RERG: variants seen among roughly 807,000 people sequenced by gnomAD.
RERG encodes the protein ras-related and estrogen-regulated growth inhibitor.
RERG carries 25 observed loss-of-function variants against 23.2 expected under a neutral mutation model. The ratio of observed to expected loss-of-function variants is 1.08; its 90% CI spans 0.79 to 1.50. RERG has a LOEUF of 1.50. Among genes scored for constraint, RERG ranks in the 40% most tolerant of loss-of-function variants. RERG has a pLI of 0.00. For missense variants in RERG, 253 were observed against 250.1 expected (o/e 1.01, Z -0.08); for synonymous variants, 81 against 89.1 (o/e 0.91, Z 0.51).
At chr12:15,118,027 G>C (rs1450671944) in intron 3 of RERG, among the ~76,000 whole-genome samples, 1 of 150,958 alleles carries the variant, frequency 6.6e-6, no homozygotes. Flanking sequence ...AACTAAAATT[G>C]TTCAATGTAA....
intron 3 of RERG, among the ~76,000 whole-genome samples, chr12:15,111,850 AT>A (rs1401158846): frequency 2.0e-5 from 3 of 151,850 alleles, no homozygotes; most frequent in Non-Finnish European, 4.4e-5. Flanking sequence ...TAATTTTTGT[AT>A]TTTTAGTGGA....
At chr12:15,128,266 A>G (rs1189410262) in intron 2 of RERG, among the ~76,000 whole-genome samples, 1 of 152,238 alleles carries the variant, frequency 6.6e-6, no homozygotes, top group Non-Finnish European at 1.5e-5. Context: ...AGCAAGAAGA[A>G]AACTTTTAGA....
intron 2 of RERG, among the ~76,000 whole-genome samples, chr12:15,132,740 C>T (rs1330000755): frequency 6.6e-6 from 1 of 152,038 alleles, no homozygotes; most frequent in East Asian, 1.9e-4. Flanking sequence ...GGATTTTAGT[C>T]ATTCTAATAG....
At chr12:15,138,397 G>T (rs1399587619) in intron 2 of RERG, among the ~76,000 whole-genome samples, 1 of 151,840 alleles carries the variant, frequency 6.6e-6, no homozygotes, top group African/African-American at 2.4e-5. Flanking sequence ...TTGCTTTTCA[G>T]TTTTACCAGT....
chr12:15,216,885 A>T (rs1865446915), intron 2 of RERG, among the ~76,000 whole-genome samples: 2 of 152,222 alleles, frequency 1.3e-5, no homozygotes, highest in Non-Finnish European at 2.9e-5. Flanking sequence ...TTCACTGCAG[A>T]GGCATTCGCA....
At chr12:15,111,121 T>A (rs1404785650) in intron 4 of RERG, 2 of 407,976 alleles carry the variant, frequency 4.9e-6, no homozygotes, top group African/African-American at 4.1e-5. Flanking sequence ...ATGTGAATAT[T>A]ATAGTATTTT....
intron 4 of RERG, among the ~76,000 whole-genome samples, chr12:15,110,252 C>T (rs1863580145): frequency 6.6e-6 from 1 of 152,140 alleles, no homozygotes; most frequent in South Asian, 2.1e-4. Flanking sequence ...AGGCATGCAC[C>T]TCCCTGCTGC....
At position 15,117,456 on chromosome 12, in the gene RERG, G is replaced by A. The variant is rs144402129; in HGVS notation, c.118+3607C>T. Among the ~76,000 whole-genome samples, 109 of 152,122 alleles carry A rather than the reference G, an allele frequency of 7.2e-4. 2 individuals are homozygous for A. Among genetic ancestry groups the A allele is most frequent in the African/African-American group, 2.2e-3 (93 of 41,506 alleles). Reference sequence around the variant, plus strand: ...ATTTGTTCTGGGTGTATCTATTTTCGTATGAACGATTCCAAGCAGCAGGAG... The same window carrying A: ...ATTTGTTCTGGGTGTATCTATTTTCATATGAACGATTCCAAGCAGCAGGAG... On this transcript the variant is annotated intron_variant, in intron 3 of 4. Transcript: ENST00000256953.
chr12:15,109,377 C>A lies in RERG; in HGVS notation c.333G>T (p.Val111=), dbSNP rs1232363198. The change falls in exon 5 of 5, where the codon GTG becomes GTT. Residue 111 remains valine, a synonymous_variant. Coordinates refer to ENST00000256953, the MANE Select transcript of RERG (RefSeq NM_032918.3). Reference sequence around the variant, plus strand: ...CTTTGTTTCCAACCAAGATGAGAGTCACATTCTTGGGCTTTTTGATCTCAT... The same window carrying A: ...CTTTGTTTCCAACCAAGATGAGAGTAACATTCTTGGGCTTTTTGATCTCAT... ...ILDEIKKPKN[V]TLILVGNKAD... The A allele has an allele frequency of 9.3e-6, 15 of 1,613,960 alleles. No individual in the cohort carries two copies. The highest frequency in any genetic ancestry group is 1.2e-5 in the Non-Finnish European group (14 of 1,180,032).
At chr12:15,217,046 T>A (rs980421082) in intron 2 of RERG, 6 of 167,704 alleles carry the variant, frequency 3.6e-5, no homozygotes, top group African/African-American at 1.4e-4. Context: ...GACACTGGAC[T>A]GTTTGCTGAG....
At chr12:15,161,188 A>AAG (rs1206732305) in intron 2 of RERG, among the ~76,000 whole-genome samples, 1 of 149,216 alleles carries the variant, frequency 6.7e-6, no homozygotes, top group Admixed American at 6.7e-5. Context: ...GAAAGAAAGA[A>AAG]AGAAAGAAAG....
chr12:15,185,350 C>A (rs912998524), intron 2 of RERG, among the ~76,000 whole-genome samples: 6 of 151,984 alleles, frequency 3.9e-5, no homozygotes, highest in African/African-American at 1.4e-4. Flanking sequence ...ATGTACACCC[C>A]AAAACTGAGA....
At chr12:15,134,809 C>T (rs1864115724) in intron 2 of RERG, among the ~76,000 whole-genome samples, 1 of 152,010 alleles carries the variant, frequency 6.6e-6, no homozygotes, top group Non-Finnish European at 1.5e-5. Flanking sequence ...TGGAGTTTCA[C>T]CATGTTGGCC....
chr12:15,184,312 G>C (rs1864961907), intron 2 of RERG, among the ~76,000 whole-genome samples: 1 of 152,114 alleles, frequency 6.6e-6, no homozygotes, highest in Non-Finnish European at 1.5e-5. Flanking sequence ...AACGAACCTA[G>C]TTTAAACAAG....
chr12:15,122,029 T>TAA (rs3084667), intron 2 of RERG, among the ~76,000 whole-genome samples: 38,957 of 148,914 alleles, frequency 0.26, 5,127 homozygotes, highest in East Asian at 0.4. Flanking sequence ...GGTTTTAAAT[T>TAA]AAAAAAAAAA....
Position 15,189,600 on chromosome 12 carries a change from C to T in RERG, c.61+27829G>A, listed in dbSNP as rs771320049. Among the ~76,000 whole-genome samples, 6 of 152,090 alleles carry T rather than the reference C, an allele frequency of 3.9e-5. No individual in the cohort carries two copies. In the South Asian group the frequency reaches 8.3e-4, roughly 21 times the overall value. Reference sequence around the variant, plus strand: ...TAATTTTCTTATTATGTCTCTTTCCCTTTAGAATGCAAATTTTGTTTTTAA... The same window carrying T: ...TAATTTTCTTATTATGTCTCTTTCCTTTTAGAATGCAAATTTTGTTTTTAA... On this transcript the variant is annotated intron_variant, in intron 2 of 4. Coordinates refer to ENST00000256953, the MANE Select transcript of RERG (RefSeq NM_032918.3).
intron 2 of RERG, among the ~76,000 whole-genome samples, chr12:15,124,432 A>T: frequency 6.6e-6 from 1 of 152,094 alleles, no homozygotes; most frequent in East Asian, 1.9e-4. Flanking sequence ...CACACATGCT[A>T]TTCCTTATTT....
intron 2 of RERG, among the ~76,000 whole-genome samples, chr12:15,199,790 C>T (rs115817138): frequency 0.011 from 1,739 of 152,106 alleles, 27 homozygotes; most frequent in African/African-American, 0.036. Flanking sequence ...TTAGAAGTTT[C>T]GTTTTATTTC....
intron 2 of RERG, among the ~76,000 whole-genome samples, chr12:15,128,923 C>G (rs1282067574): frequency 6.6e-6 from 1 of 152,138 alleles, no homozygotes; most frequent in African/African-American, 2.4e-5. Flanking sequence ...TTCTTCATAC[C>G]TTGTTCCTGG....
Sources: gnomAD v4.1 joint callset for allele counts (sites outside exome capture counted in the v4.1 genomes callset) on GRCh38, gnomAD v4.1.1 for gene constraint, MANE v1.5 for transcripts, NCBI Gene and HGNC (gene_info 2026-07-23, HGNC 2026-07-21) for gene names.